Variants in ZFAND3 observed in about 807,000 individuals in gnomAD.
ZFAND3 encodes the protein zinc finger AN1-type containing 3.
Under a neutral mutation model 29.6 loss-of-function variants are expected in ZFAND3, and 10 were observed. The observed-to-expected ratio is 0.34, with a 90% CI of 0.21 to 0.57. The LOEUF (loss-of-function observed/expected upper bound fraction) is 0.57, where lower values mean the gene tolerates loss of function less well. ZFAND3 is among the 20% of genes least tolerant of loss of function. ZFAND3 has a pLI of 0.86. For missense variants in ZFAND3, 230 were observed against 304.5 expected (o/e 0.76, Z 1.82); for synonymous variants, 128 against 112.6 (o/e 1.14, Z -0.87).
chr6:37,856,313 G>T (rs955747061), intron 1 of ZFAND3, among the ~76,000 whole-genome samples: 19 of 152,272 alleles, frequency 1.2e-4, no homozygotes, highest in African/African-American at 4.6e-4. Context: ...TTCTTCTCTA[G>T]TCTTACTTCT....
chr6:38,103,727 G>A (rs1477464030), intron 4 of ZFAND3, among the ~76,000 whole-genome samples: 1 of 152,096 alleles, frequency 6.6e-6, no homozygotes, highest in Non-Finnish European at 1.5e-5. Context: ...CTGACTTGGG[G>A]CCAAGGAACA....
chr6:37,869,700 T>TGG (rs138024322), intron 1 of ZFAND3, among the ~76,000 whole-genome samples: 1 of 150,444 alleles, frequency 6.6e-6, no homozygotes, highest in South Asian at 2.1e-4. Flanking sequence ...TTTGTAGAGT[T>TGG]GGGGGTCTCA....
At chr6:37,980,648 C>T (rs1031616584) in intron 2 of ZFAND3, among the ~76,000 whole-genome samples, 2 of 152,142 alleles carry the variant, frequency 1.3e-5, no homozygotes, top group African/African-American at 4.8e-5. Flanking sequence ...GGCATTTGTG[C>T]AGTAAGGTAT....
chr6:38,147,030 G>T (rs950217120), intron 5 of ZFAND3, among the ~76,000 whole-genome samples: 1 of 152,128 alleles, frequency 6.6e-6, no homozygotes, highest in Non-Finnish European at 1.5e-5. Flanking sequence ...TCTGTCACCC[G>T]AGTGCAGTAC....
chr6:37,898,263 C>T (rs184436178), intron 1 of ZFAND3, among the ~76,000 whole-genome samples: 118 of 152,214 alleles, frequency 7.8e-4, no homozygotes, highest in African/African-American at 2.6e-3. Flanking sequence ...GACCCAGCTC[C>T]GTTTATTGAA....
intron 2 of ZFAND3, among the ~76,000 whole-genome samples, chr6:38,047,881 C>A (rs1007030310): frequency 6.6e-6 from 1 of 151,238 alleles, no homozygotes; most frequent in East Asian, 1.9e-4. Flanking sequence ...TAGGGTCATT[C>A]GTTTTTGCAG....
intron 2 of ZFAND3, among the ~76,000 whole-genome samples, chr6:37,987,001 A>AT (rs1355434689): frequency 6.6e-6 from 1 of 152,216 alleles, no homozygotes; most frequent in African/African-American, 2.4e-5. Flanking sequence ...CAAAATTTAC[A>AT]TTTCCTGAAT....
intron 3 of ZFAND3, among the ~76,000 whole-genome samples, chr6:38,082,160 T>C (rs1764676692): frequency 6.7e-6 from 1 of 149,662 alleles, no homozygotes; most frequent in South Asian, 2.1e-4. Context: ...TTTTTTTGTG[T>C]GTGAAAAGCA....
chr6:37,975,593 T>C (rs1473144188), intron 2 of ZFAND3, among the ~76,000 whole-genome samples: 1 of 152,208 alleles, frequency 6.6e-6, no homozygotes, highest in East Asian at 1.9e-4. Context: ...ATATATGATA[T>C]GGAGGTATAC....
intron 2 of ZFAND3, among the ~76,000 whole-genome samples, chr6:37,944,100 C>CA (rs1761858074): frequency 6.6e-6 from 1 of 152,038 alleles, no homozygotes; most frequent in South Asian, 2.1e-4. Flanking sequence ...ATACAGTTGT[C>CA]AAATTTTTGT....
intron 5 of ZFAND3, among the ~76,000 whole-genome samples, chr6:38,138,211 CACAGATGCATGG>C (rs1332546884): frequency 6.6e-6 from 1 of 151,920 alleles, no homozygotes; most frequent in Non-Finnish European, 1.5e-5. Flanking sequence ...CTTGTGTATG[CACAGATGCATGG>C]ACTCTCAAGA....
intron 2 of ZFAND3, among the ~76,000 whole-genome samples, chr6:37,986,325 T>G (rs1762671271): frequency 3.3e-5 from 5 of 152,152 alleles, no homozygotes; most frequent in Non-Finnish European, 7.4e-5. Flanking sequence ...CATTTGAGTT[T>G]GTGGTCTGTT....
chr6:38,109,960 T>C lies in ZFAND3; in HGVS notation c.362-6612T>C, dbSNP rs561165172. Among the ~76,000 whole-genome samples, 9 of 152,306 alleles carry C rather than the reference T, an allele frequency of 5.9e-5. No homozygotes were observed. In the East Asian group the frequency reaches 1.2e-3, roughly 20 times the overall value. On this transcript the variant is annotated intron_variant, in intron 4 of 5. Transcript: ENST00000287218. ...TCAAAGCTCAGGTGCACTCCCAAGA[T>C]GGTCAGCCTTCCTGATCAGCCATTC... is the stretch of plus-strand genomic sequence containing the variant.
chr6:37,822,713 T>C (rs1226373347), intron 1 of ZFAND3, among the ~76,000 whole-genome samples: 2 of 152,140 alleles, frequency 1.3e-5, no homozygotes, highest in Non-Finnish European at 2.9e-5. Context: ...AGTGACACTT[T>C]AGCCTAGACC....
At chr6:38,065,514 A>G (rs1162218304) in intron 3 of ZFAND3, among the ~76,000 whole-genome samples, 3 of 152,226 alleles carry the variant, frequency 2.0e-5, no homozygotes, top group South Asian at 2.1e-4. Context: ...AACATTTGCT[A>G]TATTCTAGAC....
intron 1 of ZFAND3, among the ~76,000 whole-genome samples, chr6:37,896,554 C>CTTTCTTTCTTTCTTTCT (rs1554153843): frequency 0.063 from 8,650 of 137,678 alleles, 378 homozygotes; most frequent in African/African-American, 0.1. Context: ...TTCTTTCTTT[C>CTTTCTTTCTTTCTTTCT]TTTCTTTCTT....
chr6:37,894,004 C>G (rs912439331), intron 1 of ZFAND3, among the ~76,000 whole-genome samples: 2 of 152,106 alleles, frequency 1.3e-5, no homozygotes, highest in African/African-American at 2.4e-5. Context: ...CCTGTAATCC[C>G]AGCACTTTGG....
intron 2 of ZFAND3, among the ~76,000 whole-genome samples, chr6:38,009,581 C>T (rs1402146561): frequency 6.6e-6 from 1 of 152,178 alleles, no homozygotes; most frequent in Admixed American, 6.5e-5. Context: ...CAGGATCCTG[C>T]TATAACCCAG....
intron 2 of ZFAND3, among the ~76,000 whole-genome samples, chr6:37,945,241 C>T (rs1163818210): frequency 6.6e-6 from 1 of 152,298 alleles, no homozygotes; most frequent in African/African-American, 2.4e-5. Flanking sequence ...TTTTGCTAGT[C>T]ATGTGAAACT....
Sources: allele counts gnomAD v4.1 joint callset (sites outside exome capture counted in the v4.1 genomes callset), GRCh38; gene constraint gnomAD v4.1.1; transcripts MANE v1.5; gene names NCBI Gene and HGNC (gene_info 2026-07-23, HGNC 2026-07-21).